The following LARS1 variants were observed in gnomAD, a reference collection of about 807,000 sequenced individuals.
The protein encoded by LARS1 is leucyl-tRNA synthetase 1, also known as leucine--tRNA ligase, cytoplasmic.
LARS1 carries 100 observed loss-of-function variants against 162.8 expected under a neutral mutation model. That is an observed-to-expected ratio of 0.61 (90% CI 0.52 to 0.73). The LOEUF (loss-of-function observed/expected upper bound fraction) is 0.73, where lower values mean the gene tolerates loss of function less well. LARS1 is among the 30% of genes least tolerant of loss of function. LARS1 has a pLI of 0.00. For missense variants in LARS1, 1,258 were observed against 1,408.9 expected (o/e 0.89, Z 1.71); for synonymous variants, 457 against 462.8 (o/e 0.99, Z 0.16).
In LARS1 at chr5:146,131,239, C is replaced by A. The variant is rs563979592; in HGVS notation, c.2397-130G>T. 14 of 530,828 alleles carry A rather than the reference C, an allele frequency of 2.6e-5. No individual in the cohort carries two copies. The South Asian group carries it at 2.7e-4, about 10-fold the overall frequency. The allele number at this position is 530,828 out of a possible 1,614,324, so 32.9% of individuals were successfully genotyped here. On this transcript the variant is annotated intron_variant, in intron 23 of 31. Coordinates refer to ENST00000394434, the MANE Select transcript of LARS1 (RefSeq NM_020117.11). ...AAATTTGAAATACTGCTCATTTAAGCAGTAAAATGAGAACAATGCCCAGAA... is the reference window on the plus strand; with the variant it reads ...AAATTTGAAATACTGCTCATTTAAGAAGTAAAATGAGAACAATGCCCAGAA...
intron 22 of LARS1, among the ~76,000 whole-genome samples, chr5:146,135,107 G>A (rs111843158): frequency 0.061 from 9,319 of 151,656 alleles, 330 homozygotes; most frequent in Non-Finnish European, 0.069. Flanking sequence ...GGGTTCAAGC[G>A]ATTCTCCTGC....
At chr5:146,146,361 GAA>G (rs1491240509) in intron 15 of LARS1, among the ~76,000 whole-genome samples, 5 of 134,056 alleles carry the variant, frequency 3.7e-5, no homozygotes, top group African/African-American at 7.7e-5. Flanking sequence ...AAAAGAAAGA[GAA>G]GAGAGAGAGA....
chr5:146,153,082 C>T, intron 13 of LARS1, 92 bp downstream of exon 13: 1 of 982,390 alleles, frequency 1.0e-6, no homozygotes, highest in Non-Finnish European at 1.5e-6. Context: ...CATACTCCAC[C>T]AATTAATTTT....
Position 146,177,603 on chromosome 5 carries a change from T to A in LARS1, c.69A>T (p.Lys23Asn). 1 of 1,607,796 alleles carries A rather than the reference T, an allele frequency of 6.2e-7. No individual in the cohort carries two copies. The highest frequency in any genetic ancestry group is 2.2e-5 in the East Asian group (1 of 44,552). ...LKKIEKEIQQ[K>N]WDTERVFEVN... Reference sequence around the variant, plus strand: ...CCTCAAACACTCTCTCAGTATCCCATTTCTGTTGGATTTCTTTCTCAATCT... The same window carrying A: ...CCTCAAACACTCTCTCAGTATCCCAATTCTGTTGGATTTCTTTCTCAATCT... The change falls in exon 2 of 32, where the codon AAA (lysine) becomes AAT (asparagine). Residue 23 changes from lysine to asparagine, a missense_variant. Lys to Asn is a moderately conservative substitution (Grantham distance 94). Transcript: ENST00000394434.
At chr5:146,122,410 T>C in intron 30 of LARS1, 82 bp downstream of exon 30, 1 of 765,718 alleles carries the variant, frequency 1.3e-6, no homozygotes, top group Admixed American at 2.3e-5. Context: ...TTCTATTTTT[T>C]AAATGTGGGT....
At chr5:146,166,895 C>CAACCAT (rs1754033512) in intron 5 of LARS1, among the ~76,000 whole-genome samples, 1 of 151,920 alleles carries the variant, frequency 6.6e-6, no homozygotes, top group African/African-American at 2.4e-5. Flanking sequence ...ACCTGGCAGA[C>CAACCAT]GCCATCTTAA....
At chr5:146,131,242 TA>T in intron 23 of LARS1, 133 bp from the exon 24 acceptor site, 1 of 531,008 alleles carries the variant, frequency 1.9e-6, no homozygotes. Flanking sequence ...ATTTAAGCAG[TA>T]AAATGAGAAC....
rs375458867 is a variant in LARS1, at chr5:146,114,338, A to T, written c.3326-27T>A. 3 of 1,577,238 alleles carry T rather than the reference A, an allele frequency of 1.9e-6. No individual in the cohort carries two copies. The African/African-American group carries it at 4.1e-5, about 21-fold the overall frequency. On this transcript the variant is annotated intron_variant, in intron 31 of 31. Transcript: ENST00000394434. ...TACAACAAAATAAATTATCAATATA[A>T]GCATTTAATTACAGTCACTCAAACC...
At chr5:146,137,382 T>G (rs1157006552) in intron 21 of LARS1, among the ~76,000 whole-genome samples, 4 of 152,140 alleles carry the variant, frequency 2.6e-5, no homozygotes, top group African/African-American at 9.7e-5. Context: ...CTTCTCTAAT[T>G]TGCACAGAAG....
At position 146,143,456 on chromosome 5, in the gene LARS1, C is replaced by G. The variant is rs1349896021; in HGVS notation, c.1833G>C (p.Gln611His). The G allele has an allele frequency of 6.2e-7, 1 of 1,613,840 alleles. No homozygotes were observed. The highest frequency in any genetic ancestry group is 1.7e-5 in the Admixed American group (1 of 59,994). ...MAFYTVAHLL[Q>H]GGNLHGQAES... ...CTGCCTGTCCATGCAAGTTACCCCC[C>G]TGCAATAGGTGTGCAACTGTGTAAA... The change falls in exon 19 of 32, where the codon CAG becomes CAC. Residue 611 changes from glutamine (Q) to histidine (H), a missense_variant. Physicochemically the swap from Gln to His is conservative, Grantham distance 24 (BLOSUM62 0). Coordinates refer to ENST00000394434, the MANE Select transcript of LARS1 (RefSeq NM_020117.11).
chr5:146,149,283 A>C (rs893320296), intron 15 of LARS1, among the ~76,000 whole-genome samples: 1 of 152,178 alleles, frequency 6.6e-6, no homozygotes, highest in African/African-American at 2.4e-5. Context: ...AATAGAAGAG[A>C]GTTATAACAG....
chr5:146,140,465 C>T lies in LARS1; in HGVS notation c.2091-204G>A, dbSNP rs865921267. Among the ~76,000 whole-genome samples, 17 of 152,266 alleles carry T rather than the reference C, an allele frequency of 1.1e-4. 4 individuals are homozygous for T. The Middle Eastern group carries it at 0.048, about 427-fold the overall frequency. Reference sequence around the variant, plus strand: ...AAACTAGGATACAGGTATACAATGACGTAACTACTTAGGTGGGGCTACACG... The same window carrying T: ...AAACTAGGATACAGGTATACAATGATGTAACTACTTAGGTGGGGCTACACG... On this transcript the variant is annotated intron_variant, in intron 20 of 31. Coordinates refer to ENST00000394434, the MANE Select transcript of LARS1 (RefSeq NM_020117.11).
chr5:146,148,105 A>T (rs1753100526), intron 15 of LARS1, among the ~76,000 whole-genome samples: 1 of 152,254 alleles, frequency 6.6e-6, no homozygotes, highest in South Asian at 2.1e-4. Flanking sequence ...TATTTCAGAC[A>T]TGAAAAGTCA....
intron 6 of LARS1, among the ~76,000 whole-genome samples, chr5:146,163,660 T>G (rs1412529283): frequency 6.6e-6 from 1 of 152,156 alleles, no homozygotes; most frequent in African/African-American, 2.4e-5. Flanking sequence ...CACTCCAGCC[T>G]GGGTGACAGA....
intron 31 of LARS1, among the ~76,000 whole-genome samples, chr5:146,117,541 T>C (rs1038939539): frequency 6.6e-6 from 1 of 152,158 alleles, no homozygotes; most frequent in African/African-American, 2.4e-5. Flanking sequence ...ATCTGGGAGA[T>C]GGAGGTTGCA....
chr5:146,178,180 C>A (rs953245300), intron 1 of LARS1, among the ~76,000 whole-genome samples: 7 of 152,110 alleles, frequency 4.6e-5, no homozygotes, highest in Non-Finnish European at 7.4e-5. Flanking sequence ...ATGTAAAAGG[C>A]TTTGATATGC....
At chr5:146,168,762 A>G (rs1015971462) in intron 4 of LARS1, among the ~76,000 whole-genome samples, 4 of 152,116 alleles carry the variant, frequency 2.6e-5, no homozygotes, top group African/African-American at 9.7e-5. Context: ...ATAAAGTAGT[A>G]TTTTACCTAA....
At chr5:146,152,227 A>T (rs1041084471) in intron 13 of LARS1, among the ~76,000 whole-genome samples, 1 of 151,884 alleles carries the variant, frequency 6.6e-6, no homozygotes, top group African/African-American at 2.4e-5. Context: ...AACACCCCCA[A>T]TGCCCTTCCC....
At position 146,133,028 on chromosome 5, in the gene LARS1, C is replaced by T; in HGVS notation, c.2266G>A (p.Val756Met). Reference protein sequence around the residue: ...AGDTVEDANFVEAMADAGILR... With the variant: ...AGDTVEDANFMEAMADAGILR... ...ATACCTGCATCTGCCATGGCTTCCA[C>T]AAAGTTGGCATCTTCTACAGTGTCA... is the stretch of plus-strand genomic sequence containing the variant. Residue 756 changes from valine (V) to methionine (M), a missense_variant, in exon 23 of 32, where the codon GTG becomes ATG. Transcript: ENST00000394434. 4 of 1,614,026 alleles carry T rather than the reference C, an allele frequency of 2.5e-6. No homozygotes were observed. The highest frequency in any genetic ancestry group is 1.3e-5 in the African/African-American group (1 of 75,008).
Sources: allele counts gnomAD v4.1 joint callset (sites outside exome capture counted in the v4.1 genomes callset), GRCh38; gene constraint gnomAD v4.1.1; transcripts MANE v1.5; gene names NCBI Gene and HGNC (gene_info 2026-07-23, HGNC 2026-07-21).